The following CD244 variants were observed in gnomAD, a reference collection of about 807,000 sequenced individuals.
The protein encoded by CD244 is CD244 molecule.
CD244 carries 20 observed loss-of-function variants against 45.5 expected under a neutral mutation model. The ratio of observed to expected loss-of-function variants is 0.44; its 90% CI spans 0.31 to 0.64. CD244 has a LOEUF of 0.64. CD244 is among the 30% of genes least tolerant of loss of function. The pLI, the probability that CD244 is intolerant of heterozygous loss-of-function variation, is 0.08. For missense variants in CD244, 407 were observed against 426.9 expected (o/e 0.95, Z 0.41); for synonymous variants, 185 against 160.5 (o/e 1.15, Z -1.15).
intron 3 of CD244, 22 bp from the exon 4 acceptor site, chr1:160,839,071 A>G: frequency 6.4e-7 from 1 of 1,554,906 alleles, no homozygotes; most frequent in Admixed American, 1.7e-5. Flanking sequence ...AGAAGGCGTG[A>G]GAACTGAGCT....
chr1:160,838,315 T>A (rs750736697), intron 5 of CD244, 136 bp downstream of exon 5: 2 of 731,220 alleles, frequency 2.7e-6, no homozygotes, highest in East Asian at 5.0e-5. Context: ...GGAGAAAAGA[T>A]AGATGGGGAA....
chr1:160,853,457 C>G lies in CD244; in HGVS notation c.61+9160G>C, dbSNP rs561321544. On this transcript the variant is annotated intron_variant, in intron 1 of 8. Coordinates refer to ENST00000368034, the MANE Select transcript of CD244 (RefSeq NM_016382.4). ...TGTGGGTAGTTTTGATATGTACTTA[C>G]ACATATAAAAGTTCATCAAGCTGTT... Among the ~76,000 whole-genome samples the G allele has an allele frequency of 7.9e-5, 12 of 152,264 alleles. No homozygotes were observed. The East Asian group carries it at 2.3e-3, about 29-fold the overall frequency.
chr1:160,833,474 A>G (rs754497401), intron 7 of CD244, among the ~76,000 whole-genome samples: 10 of 152,198 alleles, frequency 6.6e-5, no homozygotes, highest in Admixed American at 6.5e-5. Context: ...GACCATGTGT[A>G]CCAGGATACC....
chr1:160,844,457 G>T (rs763593401), intron 1 of CD244, among the ~76,000 whole-genome samples: 1 of 152,202 alleles, frequency 6.6e-6, no homozygotes, highest in Non-Finnish European at 1.5e-5. Flanking sequence ...AAGAAATGGG[G>T]TTCATTTCCC....
At chr1:160,852,769 T>A (rs966138328) in intron 1 of CD244, among the ~76,000 whole-genome samples, 1 of 151,962 alleles carries the variant, frequency 6.6e-6, no homozygotes, top group African/African-American at 2.4e-5. Context: ...ATGCCTGTAA[T>A]CCCAGCACTT....
In CD244 at chr1:160,853,982, C is replaced by T. The variant is rs1670015045; in HGVS notation, c.61+8635G>A. ...TGGGAGCTGCCATTGAAAGAAAAAG[C>T]CAAGGCCTGCCTGGTGTATGCAGAA... On this transcript the variant is annotated intron_variant, in intron 1 of 8. Coordinates refer to ENST00000368034, the MANE Select transcript of CD244 (RefSeq NM_016382.4). Among the ~76,000 whole-genome samples, 4 of 151,984 alleles carry T rather than the reference C, an allele frequency of 2.6e-5. No individual in the cohort carries two copies. The South Asian group carries it at 8.3e-4, about 32-fold the overall frequency.
At chr1:160,848,643 A>T (rs1669816757) in intron 1 of CD244, 1 of 323,602 alleles carries the variant, frequency 3.1e-6, no homozygotes, top group South Asian at 2.8e-5. Context: ...GTTAGTATGG[A>T]ATCATACCCT....
chr1:160,841,695 A>C lies in CD244; in HGVS notation c.268T>G (p.Leu90Val). The change falls in exon 2 of 9, where the codon TTG becomes GTG. Residue 90 changes from leucine to valine, a missense_variant. Physicochemically the swap from Leu to Val is conservative, Grantham distance 32. Transcript: ENST00000368034. ...NDRFSFIVKN[L>V]SLLIKAAQQQ... is the part of the protein sequence containing the mutation. The stretch of plus-strand genomic sequence containing the variant: ...TGAGCTGCCTTGATGAGAAGACTCA[A>C]GTTCTTGACTATAAAACTGAATCTA... 3.7e-6 allele frequency: 6 copies of C among 1,614,190 alleles called. No individual in the cohort carries two copies. The highest frequency in any genetic ancestry group is 5.1e-6 in the Non-Finnish European group (6 of 1,180,016).
intron 1 of CD244, among the ~76,000 whole-genome samples, chr1:160,845,873 A>G (rs554629591): frequency 7.2e-5 from 11 of 152,026 alleles, no homozygotes; most frequent in Non-Finnish European, 1.3e-4. Context: ...AAAAAAAGAA[A>G]AAAAACAAAC....
At chr1:160,839,791 C>T (rs894918334) in intron 3 of CD244, among the ~76,000 whole-genome samples, 2 of 152,182 alleles carry the variant, frequency 1.3e-5, no homozygotes, top group Non-Finnish European at 2.9e-5. Flanking sequence ...ACAAATGTTA[C>T]ATTTATCCAT....
chr1:160,854,800 A>G (rs781575481), intron 1 of CD244, among the ~76,000 whole-genome samples: 1 of 152,164 alleles, frequency 6.6e-6, no homozygotes, highest in Non-Finnish European at 1.5e-5. Flanking sequence ...GTAATATTAT[A>G]TTAGTTTATA....
intron 1 of CD244, among the ~76,000 whole-genome samples, chr1:160,859,108 C>T (rs745685213): frequency 7.2e-5 from 11 of 152,172 alleles, no homozygotes; most frequent in Non-Finnish European, 1.3e-4. Context: ...GGCAGGCTGA[C>T]ATTTTCAGTG....
Position 160,841,961 on chromosome 1 carries a change from G to A in CD244, c.62-60C>T, listed in dbSNP as rs1669562529. 12 of 1,464,256 alleles carry A rather than the reference G, an allele frequency of 8.2e-6. No individual in the cohort carries two copies. In the South Asian group the frequency reaches 1.1e-4, roughly 13 times the overall value. 90.7% of individuals were successfully genotyped at this position (1,464,256 alleles called of 1,614,324 possible). A position where few individuals can be genotyped will look rare whatever the true frequency, so the allele number is the denominator to read the frequency against. On this transcript the variant is annotated intron_variant, in intron 1 of 8. Coordinates refer to ENST00000368034, the MANE Select transcript of CD244 (RefSeq NM_016382.4). ...AGAGTGTCAGGCCTGAGCAATGTGG[G>A]CAGCTGGATGTGACTTCCCTTAAGC...
intron 1 of CD244, among the ~76,000 whole-genome samples, chr1:160,853,977 A>G (rs971720400): frequency 6.6e-6 from 1 of 152,130 alleles, no homozygotes; most frequent in African/African-American, 2.4e-5. Flanking sequence ...CATTGAAAGA[A>G]AAAGCCAAGG....
At chr1:160,855,321 C>T (rs1415474153) in intron 1 of CD244, among the ~76,000 whole-genome samples, 5 of 152,126 alleles carry the variant, frequency 3.3e-5, no homozygotes, top group Non-Finnish European at 7.4e-5. Context: ...TTGGAGATTA[C>T]GAATCTGTAG....
chr1:160,838,624 T>C (rs949597220), intron 4 of CD244, 106 bp from the exon 5 acceptor site: 9 of 833,714 alleles, frequency 1.1e-5, no homozygotes, highest in Admixed American at 1.9e-5. Context: ...TTAAAAAAGG[T>C]TCTAGAAAGG....
At chr1:160,834,996 G>C (rs1156992031) in intron 6 of CD244, among the ~76,000 whole-genome samples, 1 of 152,132 alleles carries the variant, frequency 6.6e-6, no homozygotes, top group Admixed American at 6.5e-5. Context: ...AGTTCAATGT[G>C]GCTGAAACTA....
chr1:160,854,913 C>A (rs981011593), intron 1 of CD244, among the ~76,000 whole-genome samples: 1 of 152,056 alleles, frequency 6.6e-6, no homozygotes, highest in African/African-American at 2.4e-5. Context: ...GGTAGGAAGC[C>A]CACAGAAAAG....
chr1:160,832,718 C>T, intron 7 of CD244, 143 bp from the exon 8 acceptor site: 1 of 1,520,498 alleles, frequency 6.6e-7, no homozygotes, highest in Non-Finnish European at 8.8e-7. Flanking sequence ...GAATCTGTCA[C>T]CCTAGGAGCA....
Sources: allele counts gnomAD v4.1 joint callset (sites outside exome capture counted in the v4.1 genomes callset), GRCh38; gene constraint gnomAD v4.1.1; transcripts MANE v1.5; gene names NCBI Gene and HGNC (gene_info 2026-07-23, HGNC 2026-07-21).